The following ADGRA2 variants were observed in gnomAD, a reference collection of about 807,000 sequenced individuals.
The protein encoded by ADGRA2 is adhesion G protein-coupled receptor A2, also known as G-protein coupled receptor 124.
A neutral mutation model predicts 98.7 loss-of-function variants in ADGRA2; 61 were observed. That is an observed-to-expected ratio of 0.62 (90% CI 0.50 to 0.76). The LOEUF (loss-of-function observed/expected upper bound fraction) is 0.76. ADGRA2 is among the 30% of genes least tolerant of loss of function. ADGRA2 has a pLI of 0.00. For synonymous variants in ADGRA2, 858 were observed against 831.5 expected (o/e 1.03, Z -0.55); for missense variants, 1,712 against 1,860.0 (o/e 0.92, Z 1.46).
chr8:37,800,446 C>T (rs1804468340), intron 1 of ADGRA2, among the ~76,000 whole-genome samples: 1 of 152,220 alleles, frequency 6.6e-6, no homozygotes, highest in Non-Finnish European at 1.5e-5. Context: ...TCTTCTCCCG[C>T]TCTATCTTGG....
chr8:37,839,343 G>C (rs1371297778), intron 15 of ADGRA2, 156 bp from the exon 16 acceptor site: 1 of 889,648 alleles, frequency 1.1e-6, no homozygotes, highest in African/African-American at 1.8e-5. Flanking sequence ...CACTTTGAGG[G>C]GTTAAGGACT....
intron 9 of ADGRA2, among the ~76,000 whole-genome samples, 178 bp downstream of exon 9, chr8:37,833,386 C>A (rs1318219631): frequency 6.6e-6 from 1 of 152,226 alleles, no homozygotes; most frequent in Non-Finnish European, 1.5e-5. Context: ...TATTCAGACC[C>A]ACTGAGGCCA....
chr8:37,804,897 A>G (rs1015298848), intron 1 of ADGRA2, among the ~76,000 whole-genome samples: 4 of 152,264 alleles, frequency 2.6e-5, no homozygotes, highest in East Asian at 1.9e-4. Flanking sequence ...TAAGCACTGC[A>G]TGGAGTATTT....
Position 37,824,828 on chromosome 8 carries a change from C to G in ADGRA2, c.339-4060C>G, listed in dbSNP as rs113556088. 2.9e-3 allele frequency among the ~76,000 whole-genome samples: 436 copies of G among 152,284 alleles called. 4 individuals are homozygous for G. Among genetic ancestry groups the G allele is most frequent in the African/African-American group, 0.01 (417 of 41,564 alleles). On this transcript the variant is annotated intron_variant, in intron 2 of 18. Coordinates refer to ENST00000412232, the MANE Select transcript of ADGRA2 (RefSeq NM_032777.10). ...AAAATTTTTAAGTTGTTATTAAATT[C>G]AACTTAACAATCTGCTTTGTTTCCT...
At position 37,829,181 on chromosome 8, in the gene ADGRA2, G is replaced by T. The variant is rs562484017; in HGVS notation, c.411-80G>T. On this transcript the variant is annotated intron_variant, in intron 3 of 18. Coordinates refer to ENST00000412232, the MANE Select transcript of ADGRA2 (RefSeq NM_032777.10). ...ATCCCACCCCCCAACACAAGCCCTG[G>T]CCCCACCCATGTGTTCCTCACAAGT... 390 of 1,085,612 alleles carry T rather than the reference G, an allele frequency of 3.6e-4. 4 individuals are homozygous for T. In the African/African-American group the frequency reaches 4.7e-3, roughly 13 times the overall value. The allele number at this position is 1,085,612 out of a possible 1,614,324, so 67.2% of individuals were successfully genotyped here. A position where few individuals can be genotyped will look rare whatever the true frequency, so the allele number is the denominator to read the frequency against.
In ADGRA2 at chr8:37,829,488, A is replaced by C. The variant is rs1254488715; in HGVS notation, c.483A>C (p.Leu161=). 1.2e-6 allele frequency: 2 copies of C among 1,612,652 alleles called. No individual in the cohort carries two copies. Among genetic ancestry groups the C allele is most frequent in the Admixed American group, 1.7e-5 (1 of 60,022 alleles). ...TFQGLPRLLR[L]NISGNIFSSL... ...CTCAGTTGTCCCCTGTTCCCTGCAGAAACATATCTGGAAACATCTTCTCCA... is the reference window on the plus strand; with the variant it reads ...CTCAGTTGTCCCCTGTTCCCTGCAGCAACATATCTGGAAACATCTTCTCCA... Residue 161 remains leucine, a splice_region_variant and synonymous_variant, in exon 5 of 19, where the codon CTA becomes CTC. Coordinates refer to ENST00000412232, the MANE Select transcript of ADGRA2 (RefSeq NM_032777.10).
intron 2 of ADGRA2, among the ~76,000 whole-genome samples, chr8:37,818,757 TGTGTCTGGA>T (rs1349614209): frequency 6.6e-6 from 1 of 152,114 alleles, no homozygotes; most frequent in African/African-American, 2.4e-5. Context: ...AGGTGTGTGG[TGTGTCTGGA>T]GGCCTAAGTG....
rs1043817067 is a variant in ADGRA2, at chr8:37,820,804, G to C, written c.338+5837G>C. Among the ~76,000 whole-genome samples the C allele has an allele frequency of 2.6e-5, 4 of 152,068 alleles. No individual in the cohort carries two copies. In the South Asian group the frequency reaches 8.3e-4, roughly 32 times the overall value. The stretch of plus-strand genomic sequence containing the variant: ...TTGTACAGGAGCTGGGAGTAGATCT[G>C]CGTGGTATCTGTTTTGCAATGCAGG... On this transcript the variant is annotated intron_variant, in intron 2 of 18. Coordinates refer to ENST00000412232, the MANE Select transcript of ADGRA2 (RefSeq NM_032777.10).
rs1199083651 is a variant in ADGRA2 at position 37,842,470 on chromosome 8, G to A, written c.*115G>A. 5 of 1,366,070 alleles carry A rather than the reference G, an allele frequency of 3.7e-6. No individual in the cohort carries two copies. The highest frequency in any genetic ancestry group is 4.7e-6 in the Non-Finnish European group (5 of 1,057,834). The allele number at this position is 1,366,070 out of a possible 1,614,324, so 84.6% of individuals were successfully genotyped here. ...GTTGGAGGCAGAGGAGCCGATGGCT[G>A]GAGGAAGCCCACAGGCGGATGTTCC... On this transcript the variant is annotated 3_prime_UTR_variant, in exon 19 of 19. Transcript: ENST00000412232.
At chr8:37,807,926 A>G (rs1367049021) in intron 1 of ADGRA2, among the ~76,000 whole-genome samples, 2 of 152,202 alleles carry the variant, frequency 1.3e-5, no homozygotes, top group Non-Finnish European at 2.9e-5. Flanking sequence ...GGCATGTGCT[A>G]TGTGCCCACG....
chr8:37,805,076 A>G (rs934690440), intron 1 of ADGRA2, among the ~76,000 whole-genome samples: 4 of 152,202 alleles, frequency 2.6e-5, no homozygotes, highest in Non-Finnish European at 5.9e-5. Flanking sequence ...TCAGAGAAGG[A>G]TGGATGCTAT....
At chr8:37,827,348 G>T (rs1805310379) in intron 2 of ADGRA2, among the ~76,000 whole-genome samples, 1 of 152,238 alleles carries the variant, frequency 6.6e-6, no homozygotes, top group South Asian at 2.1e-4. Flanking sequence ...TGCCCCAAGA[G>T]CCCAGGGGGC....
At chr8:37,809,293 T>C (rs1804761136) in intron 1 of ADGRA2, among the ~76,000 whole-genome samples, 1 of 139,634 alleles carries the variant, frequency 7.2e-6, no homozygotes. Context: ...GAAACTTGTC[T>C]CTCTTAAAAA....
chr8:37,841,512 C>T lies in ADGRA2; in HGVS notation c.3174C>T (p.Ala1058=). Residue 1058 remains alanine (A), a synonymous_variant, in exon 19 of 19, where the codon GCC becomes GCT. Coordinates refer to ENST00000412232, the MANE Select transcript of ADGRA2 (RefSeq NM_032777.10). This position sits in a 1 kb window ranked among gnomAD's most constrained non-coding sequence, Gnocchi z 5.0. ...GCAGCTGCTTGTACGGGGTGGCAGC[C>T]TCCGCCCTGGGCCTCTTCGTCTTCA... ...VVCSCLYGVA[A]SALGLFVFTH... is the part of the protein sequence containing the mutation. The T allele has an allele frequency of 6.2e-7, 1 of 1,612,900 alleles. No homozygotes were observed. Among genetic ancestry groups the T allele is most frequent in the Middle Eastern group, 1.7e-4 (1 of 6,044 alleles).
chr8:37,832,569 C>T (rs1805488585), intron 8 of ADGRA2, among the ~76,000 whole-genome samples: 1 of 152,296 alleles, frequency 6.6e-6, no homozygotes, highest in African/African-American at 2.4e-5. Context: ...CCCCTGGGCT[C>T]AAGCACTGTG....
chr8:37,829,892 G>A lies in ADGRA2; in HGVS notation c.596G>A (p.Arg199His), dbSNP rs773004412. Residue 199 changes from arginine (R) to histidine (H), a missense_variant, in exon 6 of 19, where the codon CGC becomes CAC. Transcript: ENST00000412232. Reference sequence around the variant, plus strand: ...TTCCTGACCTGTGACTGCCACCTGCGCTGGCTGCTGCCCTGGGCCCAGAAT... The same window carrying A: ...TTCCTGACCTGTGACTGCCACCTGCACTGGCTGCTGCCCTGGGCCCAGAAT... Reference protein sequence around the residue: ...TEFLTCDCHLRWLLPWAQNRS... With the variant: ...TEFLTCDCHLHWLLPWAQNRS... 1.2e-5 allele frequency: 19 copies of A among 1,612,712 alleles called. No homozygotes were observed. In the East Asian group the frequency reaches 2.9e-4, roughly 25 times the overall value.
At chr8:37,818,742 C>T (rs1805048112) in intron 2 of ADGRA2, among the ~76,000 whole-genome samples, 1 of 152,162 alleles carries the variant, frequency 6.6e-6, no homozygotes, top group African/African-American at 2.4e-5. Flanking sequence ...CAGAAAATAG[C>T]AAATAGGTGT....
Position 37,831,495 on chromosome 8 carries a change from C to T in ADGRA2, c.1005C>T (p.Gly335=), listed in dbSNP as rs753280542. The change falls in exon 8 of 19, where the codon GGC becomes GGT. Residue 335 remains glycine, a synonymous_variant. Coordinates refer to ENST00000412232, the MANE Select transcript of ADGRA2 (RefSeq NM_032777.10). Reference sequence around the variant, plus strand: ...AGTGCACCGTGTCCATGGCCCAAGGCAACGCCAGCAAGAAGGTGGAGATCG... The same window carrying T: ...AGTGCACCGTGTCCATGGCCCAAGGTAACGCCAGCAAGAAGGTGGAGATCG... ...EWECTVSMAQ[G]NASKKVEIVV... 6.2e-7 allele frequency: 1 copy of T among 1,613,870 alleles called. No individual in the cohort carries two copies. The highest frequency in any genetic ancestry group is 2.2e-5 in the East Asian group (1 of 44,876).
At position 37,797,801 on chromosome 8, in the gene ADGRA2, G is replaced by C. The variant is rs1398437794; in HGVS notation, c.266+267G>C. ...GCGCCCACTCACCTGCACAGGTGAA[G>C]TGGAGAGCACGCCTGCAGGGCACCC... On this transcript the variant is annotated intron_variant, in intron 1 of 18. Coordinates refer to ENST00000412232, the MANE Select transcript of ADGRA2 (RefSeq NM_032777.10). The surrounding 1 kb of genome is among the most constrained non-coding windows in gnomAD (Gnocchi z 5.3). Among the ~76,000 whole-genome samples the C allele has an allele frequency of 1.3e-5, 2 of 152,202 alleles. No individual in the cohort carries two copies. Among genetic ancestry groups the C allele is most frequent in the Non-Finnish European group, 2.9e-5 (2 of 68,022 alleles).
Sources: gnomAD v4.1 joint callset for allele counts (sites outside exome capture counted in the v4.1 genomes callset) on GRCh38, gnomAD v4.1.1 for gene constraint, Gnocchi (gnomAD v3.1) non-coding constraint, MANE v1.5 for transcripts, NCBI Gene and HGNC (gene_info 2026-07-23, HGNC 2026-07-21) for gene names.